The following KIFAP3 variants were observed in gnomAD, a reference collection of about 807,000 sequenced individuals.
KIFAP3 encodes the protein kinesin-associated protein 3.
KIFAP3 carries 68 observed loss-of-function variants against 106.5 expected under a neutral mutation model. The ratio of observed to expected loss-of-function variants is 0.64; its 90% CI spans 0.53 to 0.78. KIFAP3 has a LOEUF of 0.78. Ranked by LOEUF, KIFAP3 falls within the 30% of genes least tolerant of loss-of-function variation. The pLI is 0.00. For missense variants in KIFAP3, 780 were observed against 941.8 expected, an observed-to-expected ratio of 0.83 and a Z score of 2.25; for synonymous variants, 320 against 311.5, an observed-to-expected ratio of 1.03 and a Z score of -0.29.
chr1:170,053,748 T>C (rs978587835), intron 2 of KIFAP3, among the ~76,000 whole-genome samples: 8 of 152,194 alleles, frequency 5.3e-5, no homozygotes, highest in Non-Finnish European at 8.8e-5. Context: ...GGGGAAAGGA[T>C]TTCCTATTTA....
At chr1:169,942,908 A>ACCCC (rs1384389570) in intron 19 of KIFAP3, among the ~76,000 whole-genome samples, 6 of 26,854 alleles carry the variant, frequency 2.2e-4, no homozygotes, top group Non-Finnish European at 3.4e-4. Context: ...AGTTTTAAAG[A>ACCCC]CGCCCCCCCC....
intron 2 of KIFAP3, among the ~76,000 whole-genome samples, chr1:170,051,233 A>G (rs1234323932): frequency 6.6e-6 from 1 of 152,204 alleles, no homozygotes; most frequent in Non-Finnish European, 1.5e-5. Context: ...AGATCAAAAA[A>G]GACAAAGAAG....
At chr1:170,081,459 TCCCA>T (rs894577858) in intron 1 of KIFAP3, among the ~76,000 whole-genome samples, 1 of 152,214 alleles carries the variant, frequency 6.6e-6, no homozygotes, top group African/African-American at 2.4e-5. Flanking sequence ...CTGCAATGAA[TCCCA>T]CTGAGTTAAA....
At chr1:170,041,687 G>A in intron 3 of KIFAP3, 1 of 1,534,862 alleles carries the variant, frequency 6.5e-7, no homozygotes, top group Non-Finnish European at 8.7e-7. Context: ...CTTCACATAA[G>A]CTTGCTTGGA....
At chr1:170,022,825 T>A (rs990886181) in intron 9 of KIFAP3, among the ~76,000 whole-genome samples, 1 of 152,194 alleles carries the variant, frequency 6.6e-6, no homozygotes, top group Non-Finnish European at 1.5e-5. Flanking sequence ...TCCAATTCTA[T>A]GATCTTACCA....
intron 11 of KIFAP3, among the ~76,000 whole-genome samples, chr1:169,990,902 G>A (rs1268871035): frequency 6.6e-6 from 1 of 151,882 alleles, no homozygotes; most frequent in South Asian, 2.1e-4. Context: ...AGAATGCAAA[G>A]CAATTAAAAC....
At chr1:170,039,598 T>A (rs1330204218) in intron 3 of KIFAP3, among the ~76,000 whole-genome samples, 1 of 152,032 alleles carries the variant, frequency 6.6e-6, no homozygotes, top group Non-Finnish European at 1.5e-5. Flanking sequence ...GTTCTAAGTA[T>A]CCTCTCTTTC....
chr1:170,074,472 G>T lies in KIFAP3; in HGVS notation c.-5C>A, dbSNP rs1362913633. On this transcript the variant is annotated 5_prime_UTR_variant, in exon 1 of 20. Transcript: ENST00000361580. ...TCTGGCGTCCTCCCCTTGCATGGCG[G>T]CAGCGGCAGCGGCGTGGAGAGGATG... The T allele has an allele frequency of 3.7e-6, 6 of 1,613,460 alleles. No homozygotes were observed. Among genetic ancestry groups the T allele is most frequent in the East Asian group, 2.2e-5 (1 of 44,860 alleles).
At chr1:169,990,720 A>G (rs1163016690) in intron 11 of KIFAP3, among the ~76,000 whole-genome samples, 2 of 152,080 alleles carry the variant, frequency 1.3e-5, no homozygotes, top group African/African-American at 4.8e-5. Context: ...CATACAGTCC[A>G]TGTTACAAAA....
intron 19 of KIFAP3, among the ~76,000 whole-genome samples, chr1:169,930,877 C>G (rs1663424994): frequency 5.3e-5 from 8 of 150,876 alleles, no homozygotes; most frequent in Admixed American, 5.3e-4. Context: ...CTCAGTCTAT[C>G]ATCTTGCTGG....
chr1:170,029,684 T>C (rs775803078), intron 8 of KIFAP3, among the ~76,000 whole-genome samples: 13 of 151,706 alleles, frequency 8.6e-5, no homozygotes, highest in Non-Finnish European at 1.8e-4. Context: ...TAGAAATCAA[T>C]GGAATAAAAA....
intron 1 of KIFAP3, among the ~76,000 whole-genome samples, chr1:170,066,167 T>C (rs948984758): frequency 4.8e-4 from 38 of 79,242 alleles, no homozygotes; most frequent in African/African-American, 1.8e-3. Flanking sequence ...TGCAGGTCTA[T>C]TGCCTACACC....
intron 17 of KIFAP3, among the ~76,000 whole-genome samples, chr1:169,967,725 C>A (rs1047754111): frequency 2.6e-5 from 4 of 151,740 alleles, no homozygotes; most frequent in African/African-American, 9.7e-5. Flanking sequence ...AAATAACTAT[C>A]CCAAATAACT....
intron 15 of KIFAP3, 121 bp downstream of exon 15, chr1:169,981,851 G>A: frequency 1.3e-6 from 1 of 743,130 alleles, no homozygotes; most frequent in Middle Eastern, 3.9e-4. Flanking sequence ...GATTATATAA[G>A]TTGCTATGAA....
intron 9 of KIFAP3, among the ~76,000 whole-genome samples, chr1:170,020,574 A>G (rs1169506889): frequency 2.0e-5 from 3 of 152,118 alleles, no homozygotes; most frequent in African/African-American, 7.2e-5. Flanking sequence ...CAGCCTCCCG[A>G]GTAGCTGGGA....
At chr1:170,041,897 C>A in intron 3 of KIFAP3, 2 of 1,352,244 alleles carry the variant, frequency 1.5e-6, no homozygotes, top group East Asian at 2.6e-5. Flanking sequence ...GAATAAAGGG[C>A]AACATTTGGG....
intron 1 of KIFAP3, among the ~76,000 whole-genome samples, chr1:170,083,853 C>A (rs532443171): frequency 3.7e-4 from 56 of 152,118 alleles, no homozygotes; most frequent in African/African-American, 1.3e-3. Context: ...TGCAAGGATA[C>A]GAAGAGTTGA....
At chr1:170,076,633 T>A (rs1027982477), upstream of KIFAP3, among the ~76,000 whole-genome samples, 1 of 152,218 alleles carries the variant, frequency 6.6e-6, no homozygotes, top group Non-Finnish European at 1.5e-5. Context: ...AAGAAGGATT[T>A]AATCTAATGC....
At chr1:170,082,521 G>A (rs141721765) in intron 1 of KIFAP3, among the ~76,000 whole-genome samples, 111 of 152,260 alleles carry the variant, frequency 7.3e-4, no homozygotes, top group African/African-American at 2.5e-3. Flanking sequence ...CTGTATACTT[G>A]CATTCATTTT....
Sources: allele counts gnomAD v4.1 joint callset (sites outside exome capture counted in the v4.1 genomes callset), GRCh38; gene constraint gnomAD v4.1.1; transcripts MANE v1.5; gene names NCBI Gene and HGNC (gene_info 2026-07-23, HGNC 2026-07-21).